Variants in GRID1 observed in about 807,000 individuals in gnomAD.
GRID1 encodes glutamate receptor ionotropic, delta-1.
In GRID1, 28 loss-of-function variants were observed where a neutral mutation model predicts 98.0. The ratio of observed to expected loss-of-function variants is 0.29; its 90% CI spans 0.21 to 0.39. The LOEUF (loss-of-function observed/expected upper bound fraction) is 0.39. GRID1 is among the 10% of genes least tolerant of loss of function. The pLI, the probability that GRID1 is intolerant of heterozygous loss-of-function variation, is 1.00. For missense variants in GRID1, 1,111 were observed against 1,340.5 expected, an observed-to-expected ratio of 0.83 and a Z score of 2.67; for synonymous variants, 553 against 538.5, an observed-to-expected ratio of 1.03 and a Z score of -0.37.
intron 12 of GRID1, among the ~76,000 whole-genome samples, chr10:85,700,376 C>T (rs1283573169): frequency 2.0e-5 from 3 of 152,182 alleles, no homozygotes; most frequent in Non-Finnish European, 2.9e-5. Flanking sequence ...CTCATGACAA[C>T]TATGCCTTGT....
intron 2 of GRID1, among the ~76,000 whole-genome samples, chr10:86,314,269 T>C (rs1012598827): frequency 6.6e-6 from 1 of 152,206 alleles, no homozygotes; most frequent in Non-Finnish European, 1.5e-5. Flanking sequence ...GACTCCTGCC[T>C]GCAACCCACC....
chr10:85,745,734 A>T (rs529622293), intron 8 of GRID1, among the ~76,000 whole-genome samples: 13 of 151,750 alleles, frequency 8.6e-5, no homozygotes, highest in African/African-American at 3.2e-4. Context: ...AAAAAAAAAA[A>T]AAAAAGTAAT....
intron 8 of GRID1, among the ~76,000 whole-genome samples, chr10:85,823,569 C>A (rs905272623): frequency 6.6e-6 from 1 of 151,486 alleles, no homozygotes; most frequent in South Asian, 2.1e-4. Flanking sequence ...TCACCAAAAG[C>A]AATATAAGAT....
rs73332673 is a variant in GRID1 at position 85,834,405 on chromosome 10, G to A, written c.1233+20091C>T. 5.7e-3 allele frequency among the ~76,000 whole-genome samples: 871 copies of A among 152,230 alleles called. 8 individuals carry two copies. The highest frequency in any genetic ancestry group is 0.02 in the African/African-American group (819 of 41,550). The stretch of plus-strand genomic sequence containing the variant: ...AGAGGAAATAAAGACATTCTCAGAT[G>A]AAGGAAGACCAAAAGAATATGTGCC... On this transcript the variant is annotated intron_variant, in intron 8 of 15. Transcript: ENST00000327946.
chr10:85,956,026 G>A (rs573875465), intron 4 of GRID1, among the ~76,000 whole-genome samples: 10 of 152,232 alleles, frequency 6.6e-5, no homozygotes, highest in African/African-American at 2.2e-4. Flanking sequence ...AAATTGATTC[G>A]AGGCCCTCAA....
At chr10:85,830,756 A>G (rs1201476738) in intron 8 of GRID1, among the ~76,000 whole-genome samples, 1 of 152,172 alleles carries the variant, frequency 6.6e-6, no homozygotes, top group Non-Finnish European at 1.5e-5. Flanking sequence ...TCAAAACTAT[A>G]ATGATGTACC....
In GRID1 at chr10:86,164,840, G is replaced by C. The variant is rs544558826; in HGVS notation, c.521-25816C>G. On this transcript the variant is annotated intron_variant, in intron 3 of 15. Coordinates refer to ENST00000327946, the MANE Select transcript of GRID1 (RefSeq NM_017551.3). ...TCAGCCTCTCTCTTGGGGCCCCAAG[G>C]GGTAGTGGATGAAGCTGGGGGCACA... is the stretch of plus-strand genomic sequence containing the variant. Among the ~76,000 whole-genome samples, 11 of 152,276 alleles carry C rather than the reference G, an allele frequency of 7.2e-5. 1 individual carries two copies. In the East Asian group the frequency reaches 1.4e-3, roughly 19 times the overall value.
intron 4 of GRID1, among the ~76,000 whole-genome samples, chr10:85,945,362 T>A (rs1193548545): frequency 1.3e-5 from 2 of 152,220 alleles, no homozygotes; most frequent in Non-Finnish European, 2.9e-5. Context: ...TAATTTTTTT[T>A]AAATCTTGGT....
intron 4 of GRID1, among the ~76,000 whole-genome samples, chr10:85,996,758 G>A (rs1842742720): frequency 6.6e-6 from 1 of 151,584 alleles, no homozygotes; most frequent in South Asian, 2.1e-4. Context: ...GAACCCAGGA[G>A]GTAGAGGTTG....
At chr10:85,967,221 T>C (rs1182173334) in intron 4 of GRID1, among the ~76,000 whole-genome samples, 1 of 152,222 alleles carries the variant, frequency 6.6e-6, no homozygotes, top group Non-Finnish European at 1.5e-5. Context: ...CAGGTATGTC[T>C]TTATTGCAGC....
chr10:85,797,854 T>A (rs1168014085), intron 8 of GRID1, among the ~76,000 whole-genome samples: 1 of 152,216 alleles, frequency 6.6e-6, no homozygotes, highest in Admixed American at 6.5e-5. Flanking sequence ...CCTGTGTTAG[T>A]TCACTTAGCA....
At chr10:86,051,633 A>G (rs1843504226) in intron 4 of GRID1, among the ~76,000 whole-genome samples, 1 of 152,232 alleles carries the variant, frequency 6.6e-6, no homozygotes, top group African/African-American at 2.4e-5. Context: ...GGCAAAGTAC[A>G]TGAACACATG....
intron 2 of GRID1, among the ~76,000 whole-genome samples, chr10:86,287,113 C>T (rs1300455188): frequency 6.6e-6 from 1 of 152,160 alleles, no homozygotes; most frequent in East Asian, 1.9e-4. Flanking sequence ...CACAGGACAG[C>T]TCTGGAGGCA....
At chr10:85,704,786 A>T (rs927316579) in intron 12 of GRID1, among the ~76,000 whole-genome samples, 1 of 152,254 alleles carries the variant, frequency 6.6e-6, no homozygotes, top group Non-Finnish European at 1.5e-5. Flanking sequence ...ACCACAGTGC[A>T]ATCAAACTAG....
chr10:86,257,735 AACT>A (rs1159433343), intron 2 of GRID1, among the ~76,000 whole-genome samples: 3 of 152,196 alleles, frequency 2.0e-5, no homozygotes, highest in African/African-American at 7.2e-5. Flanking sequence ...TGGGACACAG[AACT>A]CATCATGGGG....
rs979439343 is a variant in GRID1 at position 85,772,803 on chromosome 10, G to A, written c.1234-43189C>T. On this transcript the variant is annotated intron_variant, in intron 8 of 15. Coordinates refer to ENST00000327946, the MANE Select transcript of GRID1 (RefSeq NM_017551.3). ...AGTTGAATCTCTGAATAGACCAATA[G>A]CAGGCTCTGAAATTGGGGCAATAAT... Among the ~76,000 whole-genome samples the A allele has an allele frequency of 2.0e-5, 3 of 152,220 alleles. No individual in the cohort carries two copies. The East Asian group carries it at 5.8e-4, about 29-fold the overall frequency.
intron 12 of GRID1, among the ~76,000 whole-genome samples, chr10:85,677,209 T>A (rs923520550): frequency 2.0e-5 from 3 of 152,146 alleles, no homozygotes; most frequent in African/African-American, 4.8e-5. Flanking sequence ...TTCAACAGGA[T>A]AAGAGATAAA....
intron 3 of GRID1, among the ~76,000 whole-genome samples, chr10:86,205,841 G>A (rs1846017826): frequency 6.6e-6 from 1 of 152,062 alleles, no homozygotes; most frequent in Non-Finnish European, 1.5e-5. Flanking sequence ...GCCATGCCCA[G>A]CCCTACCCAG....
At chr10:85,754,043 G>T (rs1842072867) in intron 8 of GRID1, among the ~76,000 whole-genome samples, 1 of 152,038 alleles carries the variant, frequency 6.6e-6, no homozygotes, top group Admixed American at 6.6e-5. Context: ...AAACTAAAAA[G>T]AAATTTCTAA....
Sources: gnomAD v4.1 joint callset for allele counts (sites outside exome capture counted in the v4.1 genomes callset) on GRCh38, gnomAD v4.1.1 for gene constraint, MANE v1.5 for transcripts, NCBI Gene and HGNC (gene_info 2026-07-23, HGNC 2026-07-21) for gene names.